QKI: variants seen among roughly 807,000 people sequenced by gnomAD.
The protein encoded by QKI is KH domain-containing RNA-binding protein QKI.
Under a neutral mutation model 39.0 loss-of-function variants are expected in QKI, and 10 were observed. The observed-to-expected ratio is 0.26, with a 90% confidence interval of 0.16 to 0.43. The LOEUF is 0.43. Ranked by LOEUF, QKI falls within the 20% of genes least tolerant of loss-of-function variation. The probability of loss-of-function intolerance (pLI) is 1.00; values close to 1 mark genes in which losing one functional copy is unlikely to be tolerated. For synonymous variants in QKI, 204 were observed against 155.4 expected (o/e 1.31, Z -2.33); for missense variants, 218 against 428.0 (o/e 0.51, Z 4.33).
At chr6:163,548,333 CTTG>C (rs144618271) in intron 4 of QKI, among the ~76,000 whole-genome samples, 78,563 of 151,756 alleles carry the variant, frequency 0.52, 21,227 homozygotes, top group East Asian at 0.71. Context: ...TAACAAAGCA[CTTG>C]TTGTTTGCTT....
intron 2 of QKI, among the ~76,000 whole-genome samples, 169 bp downstream of exon 2, chr6:163,455,590 A>C (rs933892822): frequency 1.3e-5 from 2 of 152,228 alleles, no homozygotes; most frequent in African/African-American, 4.8e-5. Flanking sequence ...CTCTCTAAAT[A>C]TGTTTGCATT....
At chr6:163,417,903 C>A (rs1787660024) in intron 1 of QKI, among the ~76,000 whole-genome samples, 1 of 152,116 alleles carries the variant, frequency 6.6e-6, no homozygotes, top group South Asian at 2.1e-4. Flanking sequence ...GTGGAATAAG[C>A]GGCTTCCTGT....
chr6:163,440,426 A>C (rs901284112), intron 1 of QKI, among the ~76,000 whole-genome samples: 24 of 152,238 alleles, frequency 1.6e-4, no homozygotes, highest in African/African-American at 5.8e-4. Flanking sequence ...TAATAATGGA[A>C]TAAAATGCTG....
intron 2 of QKI, among the ~76,000 whole-genome samples, chr6:163,467,822 G>A (rs767551533): frequency 6.6e-6 from 1 of 152,140 alleles, no homozygotes; most frequent in Non-Finnish European, 1.5e-5. Context: ...GTTTACAATG[G>A]TTTGAAAGGA....
intron 3 of QKI, among the ~76,000 whole-genome samples, chr6:163,493,133 C>CT (rs34924542): frequency 0.75 from 106,003 of 140,594 alleles, 40,200 homozygotes; most frequent in East Asian, 0.99. Context: ...ATCTACAATA[C>CT]TTTTTTTTTT....
At chr6:163,453,827 A>G (rs1447885059) in intron 1 of QKI, among the ~76,000 whole-genome samples, 1 of 152,200 alleles carries the variant, frequency 6.6e-6, no homozygotes, top group African/African-American at 2.4e-5. Context: ...TAATATGAAT[A>G]TTGGTATCAC....
chr6:163,464,897 G>T (rs1583035002), intron 2 of QKI, among the ~76,000 whole-genome samples: 1 of 152,228 alleles, frequency 6.6e-6, no homozygotes, highest in East Asian at 1.9e-4. Context: ...TAAAGTTACA[G>T]GCCAATATCC....
intron 3 of QKI, among the ~76,000 whole-genome samples, chr6:163,525,948 T>C (rs1022521561): frequency 6.6e-6 from 1 of 152,254 alleles, no homozygotes; most frequent in African/African-American, 2.4e-5. Context: ...TGTAAAGCCC[T>C]ATATGTTTTT....
intron 1 of QKI, among the ~76,000 whole-genome samples, chr6:163,443,988 A>G (rs1789949704): frequency 6.6e-6 from 1 of 152,144 alleles, no homozygotes; most frequent in Admixed American, 6.5e-5. Context: ...ATAGGTACAG[A>G]CCTTTCCCCA....
chr6:163,478,931 A>G, intron 3 of QKI, 35 bp downstream of exon 3: 2 of 1,432,112 alleles, frequency 1.4e-6, no homozygotes, highest in Non-Finnish European at 1.9e-6. Flanking sequence ...TCTTTATGTG[A>G]GTAACTTACT....
intron 2 of QKI, among the ~76,000 whole-genome samples, chr6:163,473,528 C>T (rs1005598300): frequency 6.6e-6 from 1 of 152,066 alleles, no homozygotes; most frequent in African/African-American, 2.4e-5. Flanking sequence ...AAGGAAGATA[C>T]AGGTAACCAG....
chr6:163,464,615 C>G (rs75018883), intron 2 of QKI, among the ~76,000 whole-genome samples: 2,208 of 152,202 alleles, frequency 0.015, 50 homozygotes, highest in African/African-American at 0.051. Flanking sequence ...CTAAAACATA[C>G]AACCTATCAG....
chr6:163,415,711 C>T (rs1161422982), intron 1 of QKI, among the ~76,000 whole-genome samples: 2 of 151,818 alleles, frequency 1.3e-5, no homozygotes, highest in Non-Finnish European at 2.9e-5. Flanking sequence ...AGAGCAGGCC[C>T]ACGCCGCGCC....
chr6:163,445,994 G>A (rs1670358798), intron 1 of QKI, among the ~76,000 whole-genome samples: 1 of 152,188 alleles, frequency 6.6e-6, no homozygotes. Context: ...TTTCTCCACT[G>A]TAGTTTCTCC....
At chr6:163,545,020 T>C (rs1781780585) in intron 4 of QKI, among the ~76,000 whole-genome samples, 1 of 152,084 alleles carries the variant, frequency 6.6e-6, no homozygotes, top group African/African-American at 2.4e-5. Context: ...TGTCCTAAAA[T>C]CTCATTTAAG....
At chr6:163,439,358 G>GC (rs1789568531) in intron 1 of QKI, among the ~76,000 whole-genome samples, 2 of 147,416 alleles carry the variant, frequency 1.4e-5, no homozygotes, top group Admixed American at 6.7e-5. Flanking sequence ...TTTTTTTCGG[G>GC]GGGGTGGGGG....
At chr6:163,420,143 T>G (rs900255907) in intron 1 of QKI, among the ~76,000 whole-genome samples, 3 of 149,746 alleles carry the variant, frequency 2.0e-5, no homozygotes, top group Admixed American at 6.6e-5. Flanking sequence ...TAAGGGCTTT[T>G]CTTTTCTTTT....
chr6:163,463,166 A>G (rs1791469963), intron 2 of QKI, among the ~76,000 whole-genome samples: 1 of 152,208 alleles, frequency 6.6e-6, no homozygotes, highest in Non-Finnish European at 1.5e-5. Context: ...TGAAAGATTA[A>G]CAATAATGAG....
At chr6:163,416,323 A>T (rs989247887) in intron 1 of QKI, 2 of 169,530 alleles carry the variant, frequency 1.2e-5, no homozygotes, top group African/African-American at 4.8e-5. Context: ...GCAGTACCTG[A>T]AGTATTAATT....
Sources: allele counts gnomAD v4.1 joint callset (sites outside exome capture counted in the v4.1 genomes callset), GRCh38; gene constraint gnomAD v4.1.1; transcripts MANE v1.5; gene names NCBI Gene and HGNC (gene_info 2026-07-23, HGNC 2026-07-21).